Variants in JMY observed in about 807,000 individuals in gnomAD.
The protein encoded by JMY is junction-mediating and -regulatory protein.
JMY carries 46 observed loss-of-function variants against 103.3 expected under a neutral mutation model. The observed-to-expected ratio is 0.45, with a 90% CI of 0.35 to 0.57. The LOEUF is 0.57. Among genes scored for constraint, JMY ranks in the 20% least tolerant of loss-of-function variants. JMY has a pLI of 0.00. For missense variants in JMY, 1,238 were observed against 1,255.2 expected, an observed-to-expected ratio of 0.99 and a Z score of 0.21; for synonymous variants, 526 against 489.3, an observed-to-expected ratio of 1.07 and a Z score of -0.99.
At chr5:79,298,402 G>A (rs1372831499) in intron 4 of JMY, among the ~76,000 whole-genome samples, 1 of 152,204 alleles carries the variant, frequency 6.6e-6, no homozygotes, top group African/African-American at 2.4e-5. Context: ...TTGCAGAGCT[G>A]GGCAAGAGCC....
chr5:79,289,484 A>G (rs1051180542), intron 2 of JMY, among the ~76,000 whole-genome samples: 7 of 152,098 alleles, frequency 4.6e-5, no homozygotes, highest in Non-Finnish European at 1.0e-4. Flanking sequence ...GATCCATTGC[A>G]GTTCTTGATT....
intron 4 of JMY, among the ~76,000 whole-genome samples, chr5:79,297,854 A>G (rs1466030897): frequency 6.6e-6 from 1 of 152,182 alleles, no homozygotes; most frequent in Non-Finnish European, 1.5e-5. Context: ...CACCGAACCA[A>G]AAAATTGAGG....
At chr5:79,271,641 T>C (rs533140108) in intron 1 of JMY, among the ~76,000 whole-genome samples, 1 of 152,212 alleles carries the variant, frequency 6.6e-6, no homozygotes, top group African/African-American at 2.4e-5. Context: ...CTCACCGTTA[T>C]GCTAACGAGG....
At chr5:79,318,057 A>G (rs901633674) in intron 10 of JMY, among the ~76,000 whole-genome samples, 5 of 152,192 alleles carry the variant, frequency 3.3e-5, no homozygotes, top group African/African-American at 9.7e-5. Flanking sequence ...GGTGGAGTGC[A>G]GTGACATGAT....
At chr5:79,278,889 G>A (rs949422164) in intron 2 of JMY, among the ~76,000 whole-genome samples, 15 of 149,124 alleles carry the variant, frequency 1.0e-4, no homozygotes, top group Admixed American at 7.5e-4. Context: ...TCGGCCTCCC[G>A]AAGTTCTGGG....
Position 79,265,274 on chromosome 5 carries a change from A to ATTG in JMY, c.1033-12635_1033-12634insTGT, listed in dbSNP as rs1414702302. On this transcript the variant is annotated intron_variant, in intron 1 of 10. Transcript: ENST00000396137. ...AATGTTATATGTTTTAATTTTATAG[A>ATTG]TAAGTAAATTGACTACATAATTTAT... is the stretch of plus-strand genomic sequence containing the variant. Among the ~76,000 whole-genome samples the ATTG allele has an allele frequency of 3.3e-3, 503 of 152,338 alleles. 4 individuals carry two copies. The highest frequency in any genetic ancestry group is 0.012 in the African/African-American group (485 of 41,560).
chr5:79,236,668 G>T lies in JMY; in HGVS notation c.18G>T (p.Glu6Asp). Residue 6 changes from glutamate (E) to aspartate (D), a missense_variant, in exon 1 of 11, where the codon GAG (glutamate) becomes GAT (aspartate). By Grantham distance (45) the Glu-to-Asp change is conservative. Transcript: ENST00000396137. MSFAL[E>D]ETLESDWVAV... is the part of the protein sequence containing the mutation. Reference sequence around the variant, plus strand: ...GAGCCACCATGTCGTTCGCGCTGGAGGAGACGCTCGAGTCGGACTGGGTGG... The same window carrying T: ...GAGCCACCATGTCGTTCGCGCTGGATGAGACGCTCGAGTCGGACTGGGTGG... 2 of 1,471,208 alleles carry T rather than the reference G, an allele frequency of 1.4e-6. No individual in the cohort carries two copies. The highest frequency in any genetic ancestry group is 1.8e-6 in the Non-Finnish European group (2 of 1,104,778). 91.1% of individuals were successfully genotyped at this position (1,471,208 alleles called of 1,614,324 possible). A position where few individuals can be genotyped will look rare whatever the true frequency, so the allele number is the denominator to read the frequency against.
chr5:79,304,441 C>T (rs987467883), intron 6 of JMY, among the ~76,000 whole-genome samples: 2 of 152,210 alleles, frequency 1.3e-5, no homozygotes, highest in Admixed American at 1.3e-4. Context: ...TGTCCTGCCT[C>T]ACCCCTTGAA....
chr5:79,299,075 T>C (rs1746653993), intron 4 of JMY, among the ~76,000 whole-genome samples: 1 of 152,184 alleles, frequency 6.6e-6, no homozygotes, highest in Non-Finnish European at 1.5e-5. Flanking sequence ...TCTTAATAAT[T>C]TTCCCTTTTG....
At chr5:79,239,361 G>A (rs1263288182) in intron 1 of JMY, among the ~76,000 whole-genome samples, 1 of 152,086 alleles carries the variant, frequency 6.6e-6, no homozygotes, top group Non-Finnish European at 1.5e-5. Context: ...GAAGTGTTTG[G>A]TTAATATTGA....
intron 3 of JMY, 60 bp from the exon 4 acceptor site, chr5:79,291,070 C>G: frequency 7.6e-6 from 9 of 1,184,974 alleles, no homozygotes; most frequent in Non-Finnish European, 1.0e-5. Flanking sequence ...AAATCTTTTT[C>G]AAATGCTTCA....
intron 2 of JMY, among the ~76,000 whole-genome samples, chr5:79,289,849 A>T (rs575443596): frequency 6.6e-6 from 1 of 152,320 alleles, no homozygotes; most frequent in Admixed American, 6.5e-5. Context: ...CCTCATCGAG[A>T]CACCTAAAAA....
chr5:79,243,378 T>C (rs1174352801), intron 1 of JMY, among the ~76,000 whole-genome samples: 2 of 152,226 alleles, frequency 1.3e-5, no homozygotes, highest in African/African-American at 4.8e-5. Context: ...TGTCTTTCAC[T>C]GGGCCAGCAA....
intron 1 of JMY, among the ~76,000 whole-genome samples, chr5:79,276,573 T>G (rs1745943182): frequency 6.6e-6 from 1 of 151,994 alleles, no homozygotes. Flanking sequence ...ATCAGCTAAT[T>G]TTTACATTTT....
At chr5:79,293,530 A>G (rs1746482541) in intron 4 of JMY, among the ~76,000 whole-genome samples, 2 of 151,860 alleles carry the variant, frequency 1.3e-5, no homozygotes, top group Non-Finnish European at 2.9e-5. Context: ...AAGTTCTGAG[A>G]TTATAGGTGT....
chr5:79,274,064 C>T (rs1389843418), intron 1 of JMY, among the ~76,000 whole-genome samples: 1 of 152,036 alleles, frequency 6.6e-6, no homozygotes, highest in Non-Finnish European at 1.5e-5. Flanking sequence ...CTCCTGACCT[C>T]GTGATCTGCC....
At position 79,323,631 on chromosome 5, in the gene JMY, T is replaced by C. The variant is rs752609080; in HGVS notation, c.*2029T>C. The stretch of plus-strand genomic sequence containing the variant: ...GTTCTTTGGGTGCTGGTTCACTTTT[T>C]TTCATTTATTCAAATTCAGAAAAAT... On this transcript the variant is annotated 3_prime_UTR_variant, in exon 11 of 11. Coordinates refer to ENST00000396137, the MANE Select transcript of JMY (RefSeq NM_152405.5). 3 of 152,244 alleles carry C rather than the reference T, an allele frequency of 2.0e-5. No homozygotes were observed. The highest frequency in any genetic ancestry group is 7.2e-5 in the African/African-American group (3 of 41,456). The allele number at this position is 152,244 out of a possible 1,614,324, so 9.4% of individuals were successfully genotyped here. A position where few individuals can be genotyped will look rare whatever the true frequency, so the allele number is the denominator to read the frequency against.
At chr5:79,269,621 C>T (rs1441356576) in intron 1 of JMY, among the ~76,000 whole-genome samples, 2 of 152,058 alleles carry the variant, frequency 1.3e-5, no homozygotes, top group Non-Finnish European at 2.9e-5. Flanking sequence ...AGTTTTATAG[C>T]TTTCTTGTTA....
At chr5:79,281,559 G>A (rs897282774) in intron 2 of JMY, among the ~76,000 whole-genome samples, 10 of 151,798 alleles carry the variant, frequency 6.6e-5, no homozygotes, top group Non-Finnish European at 1.3e-4. Flanking sequence ...TACGCAGCAC[G>A]TGACTATAAT....
Sources: gnomAD v4.1 joint callset for allele counts (sites outside exome capture counted in the v4.1 genomes callset) on GRCh38, gnomAD v4.1.1 for gene constraint, MANE v1.5 for transcripts, NCBI Gene and HGNC (gene_info 2026-07-23, HGNC 2026-07-21) for gene names.